Variants in GAS7 observed in about 807,000 individuals in gnomAD.
GAS7 encodes the protein growth arrest specific 7, also known as growth arrest-specific protein 7.
Under a neutral mutation model 71.1 loss-of-function variants are expected in GAS7, and 28 were observed. The observed-to-expected ratio is 0.39, with a 90% confidence interval of 0.29 to 0.54. GAS7 has a LOEUF of 0.54. Among genes scored for constraint, GAS7 ranks in the 20% least tolerant of loss-of-function variants. The pLI is 0.62. For missense variants in GAS7, 436 were observed against 627.8 expected (o/e 0.69, Z 3.27); for synonymous variants, 258 against 245.8 (o/e 1.05, Z -0.46).
chr17:10,197,404 C>G (rs1301319592), intron 1 of GAS7, among the ~76,000 whole-genome samples: 4 of 55,680 alleles, frequency 7.2e-5, no homozygotes, highest in African/African-American at 1.4e-4. Context: ...TGGAAGGTCA[C>G]CCCCCCACAC....
chr17:9,968,736 C>T (rs2069826917), intron 4 of GAS7, among the ~76,000 whole-genome samples: 1 of 152,120 alleles, frequency 6.6e-6, no homozygotes, highest in Non-Finnish European at 1.5e-5. Flanking sequence ...TCATTTTTTC[C>T]TTATGTTAAG....
Position 9,950,245 on chromosome 17 carries a change from C to T in GAS7, c.526-3262G>A, listed in dbSNP as rs181805808. Among the ~76,000 whole-genome samples, 30 of 152,246 alleles carry T rather than the reference C, an allele frequency of 2.0e-4. No individual in the cohort carries two copies. In the East Asian group the frequency reaches 5.6e-3, roughly 29 times the overall value. ...TTCCTGGCCAGGGCATGGTGGCTCA[C>T]ATCTGTAATCCCAAGACTTTGGGAA... On this transcript the variant is annotated intron_variant, in intron 5 of 13. Coordinates refer to ENST00000432992, the MANE Select transcript of GAS7 (RefSeq NM_201433.2).
At chr17:10,096,543 CCA>C (rs2073642957) in intron 1 of GAS7, among the ~76,000 whole-genome samples, 1 of 152,238 alleles carries the variant, frequency 6.6e-6, no homozygotes, top group African/African-American at 2.4e-5. Flanking sequence ...GGATGGCACT[CCA>C]TTTTCCTGTG....
At chr17:10,096,608 AC>A (rs143772636) in intron 1 of GAS7, among the ~76,000 whole-genome samples, 18,866 of 151,760 alleles carry the variant, frequency 0.12, 1,474 homozygotes, top group Non-Finnish European at 0.17. Flanking sequence ...CACCCAACAG[AC>A]CCAGGCCTAA....
At chr17:10,047,337 G>A (rs1293156267) in intron 1 of GAS7, among the ~76,000 whole-genome samples, 1 of 152,130 alleles carries the variant, frequency 6.6e-6, no homozygotes, top group Non-Finnish European at 1.5e-5. Flanking sequence ...CCAGGCAAAG[G>A]CCAATTCGAA....
At chr17:9,924,993 C>T (rs1017986666) in intron 11 of GAS7, among the ~76,000 whole-genome samples, 6 of 152,238 alleles carry the variant, frequency 3.9e-5, no homozygotes, top group African/African-American at 1.4e-4. Flanking sequence ...AACAAAGTGT[C>T]AGCCTCTGTT....
intron 1 of GAS7, among the ~76,000 whole-genome samples, chr17:10,064,883 A>G (rs1597767619): frequency 1.3e-5 from 2 of 152,212 alleles, no homozygotes; most frequent in Admixed American, 1.3e-4. Flanking sequence ...GCTGAAGTAC[A>G]GTGGTACAAT....
intron 1 of GAS7, among the ~76,000 whole-genome samples, chr17:10,105,997 C>A (rs1031356958): frequency 1.1e-4 from 16 of 152,162 alleles, no homozygotes; most frequent in Non-Finnish European, 2.2e-4. Flanking sequence ...CTGCCACCAC[C>A]CAGGCGGGGC....
At chr17:9,964,868 T>C (rs1170160642) in intron 4 of GAS7, among the ~76,000 whole-genome samples, 1 of 152,164 alleles carries the variant, frequency 6.6e-6, no homozygotes, top group Admixed American at 6.5e-5. Flanking sequence ...ATTATTGAGG[T>C]AGGTAGGAGG....
intron 1 of GAS7, among the ~76,000 whole-genome samples, chr17:10,163,690 C>T (rs907938548): frequency 6.6e-6 from 1 of 152,066 alleles, no homozygotes; most frequent in Non-Finnish European, 1.5e-5. Context: ...CTCTTGGTTC[C>T]AATCCATCCT....
intron 1 of GAS7, among the ~76,000 whole-genome samples, chr17:10,125,704 G>C (rs1019038049): frequency 2.0e-5 from 3 of 151,874 alleles, no homozygotes; most frequent in African/African-American, 7.3e-5. Context: ...GGGTGTGAGG[G>C]GGTCAGCTGT....
chr17:10,072,926 A>T (rs536428927), intron 1 of GAS7, among the ~76,000 whole-genome samples: 1 of 152,188 alleles, frequency 6.6e-6, no homozygotes, highest in Admixed American at 6.5e-5. Context: ...AAAAACAAGA[A>T]AGTGGTGTCA....
intron 1 of GAS7, among the ~76,000 whole-genome samples, chr17:10,161,820 T>C (rs2074258244): frequency 6.6e-6 from 1 of 151,902 alleles, no homozygotes; most frequent in African/African-American, 2.4e-5. Flanking sequence ...ATCCCAGCAT[T>C]TTGGGAGGCC....
At chr17:10,037,288 T>A (rs2072771726) in intron 1 of GAS7, among the ~76,000 whole-genome samples, 1 of 152,228 alleles carries the variant, frequency 6.6e-6, no homozygotes, top group African/African-American at 2.4e-5. Flanking sequence ...ACCAACTAAA[T>A]GAGCTTGGGC....
At chr17:9,992,403 G>A (rs1037297538) in intron 2 of GAS7, among the ~76,000 whole-genome samples, 2 of 152,010 alleles carry the variant, frequency 1.3e-5, no homozygotes, top group East Asian at 1.9e-4. Flanking sequence ...TTCTAGAATA[G>A]GTGAAGATGA....
intron 1 of GAS7, among the ~76,000 whole-genome samples, chr17:10,033,336 A>G (rs2072668522): frequency 6.6e-6 from 1 of 152,120 alleles, no homozygotes; most frequent in Non-Finnish European, 1.5e-5. Context: ...GCCCAGAGAG[A>G]GAGAGAGACA....
intron 5 of GAS7, among the ~76,000 whole-genome samples, chr17:9,949,024 G>A (rs1170282256): frequency 6.6e-6 from 1 of 152,208 alleles, no homozygotes; most frequent in Non-Finnish European, 1.5e-5. Flanking sequence ...GCTAGGCGGG[G>A]TGTGCAAGCC....
chr17:10,071,811 C>T (rs2152247108), intron 1 of GAS7, among the ~76,000 whole-genome samples: 1 of 151,754 alleles, frequency 6.6e-6, no homozygotes, highest in Non-Finnish European at 1.5e-5. Context: ...GTGGCACGTG[C>T]CTGGAATCCC....
At position 9,981,318 on chromosome 17, in the gene GAS7, A is replaced by G. The variant is rs2070402591; in HGVS notation, c.385+486T>C. Among the ~76,000 whole-genome samples the G allele has an allele frequency of 6.6e-6, 1 of 151,964 alleles. No individual in the cohort carries two copies. Among genetic ancestry groups the G allele is most frequent in the South Asian group, 2.1e-4 (1 of 4,824 alleles). ...AAGAGAAACAAACAAACAAACAAAA[A>G]AGAACGTCCATCTCAACTGCCTCTG... On this transcript the variant is annotated intron_variant, in intron 3 of 13. Coordinates refer to ENST00000432992, the MANE Select transcript of GAS7 (RefSeq NM_201433.2). The surrounding 1 kb of genome is among the most constrained non-coding windows in gnomAD (Gnocchi z 4.4).
Sources: gnomAD v4.1 joint callset for allele counts (sites outside exome capture counted in the v4.1 genomes callset) on GRCh38, gnomAD v4.1.1 for gene constraint, Gnocchi (gnomAD v3.1) non-coding constraint, MANE v1.5 for transcripts, NCBI Gene and HGNC (gene_info 2026-07-23, HGNC 2026-07-21) for gene names.